PRKACB: variants seen among roughly 807,000 people sequenced by gnomAD.
PRKACB encodes the protein cAMP-dependent protein kinase catalytic subunit beta.
Under a neutral mutation model 51.4 loss-of-function variants are expected in PRKACB, and 16 were observed. That is an observed-to-expected ratio of 0.31 (90% CI 0.21 to 0.47). The LOEUF (loss-of-function observed/expected upper bound fraction) is 0.47. Ranked by LOEUF, PRKACB falls within the 20% of genes least tolerant of loss-of-function variation. PRKACB has a pLI of 1.00. For synonymous variants in PRKACB, 147 were observed against 154.4 expected (o/e 0.95, Z 0.35); for missense variants, 309 against 464.5 (o/e 0.67, Z 3.08).
At chr1:84,138,358 A>G (rs1423851553) in intron 1 of PRKACB, among the ~76,000 whole-genome samples, 1 of 152,200 alleles carries the variant, frequency 6.6e-6, no homozygotes, top group African/African-American at 2.4e-5. Context: ...TAAATGCTAC[A>G]GGCATTAAAA....
chr1:84,205,454 T>C (rs1375909501), intron 8 of PRKACB: 3 of 167,278 alleles, frequency 1.8e-5, no homozygotes, highest in African/African-American at 7.2e-5. Context: ...TGGATCCTTA[T>C]ATTTATATTT....
intron 7 of PRKACB, among the ~76,000 whole-genome samples, chr1:84,198,856 T>A (rs1668965939): frequency 6.7e-6 from 1 of 149,432 alleles, no homozygotes; most frequent in Non-Finnish European, 1.5e-5. Flanking sequence ...TGTGTATATG[T>A]GTATATATAT....
rs1374773341 is a variant in PRKACB, at chr1:84,236,436, G to A, written c.*1131G>A. 1 of 152,556 alleles carries A rather than the reference G, an allele frequency of 6.6e-6. No homozygotes were observed. Among genetic ancestry groups the A allele is most frequent in the Non-Finnish European group, 1.5e-5 (1 of 68,018 alleles). The allele number at this position is 152,556 out of a possible 1,614,324, so 9.5% of individuals were successfully genotyped here. On this transcript the variant is annotated 3_prime_UTR_variant, in exon 10 of 10. Transcript: ENST00000370685. ...TGGTGTACTATATTTGTGAGCCTAGGGTAGGGGCACTGCTGCAACTTCTGC... is the reference window on the plus strand; with the variant it reads ...TGGTGTACTATATTTGTGAGCCTAGAGTAGGGGCACTGCTGCAACTTCTGC...
chr1:84,125,292 A>C (rs1651474930), intron 1 of PRKACB, among the ~76,000 whole-genome samples: 1 of 152,154 alleles, frequency 6.6e-6, no homozygotes. Flanking sequence ...GTAATATCTC[A>C]GAGCCAGTAA....
chr1:84,196,706 T>C lies in PRKACB; in HGVS notation c.651T>C (p.Pro217=), dbSNP rs1175910761. Residue 217 remains proline (P), a synonymous_variant, in exon 6 of 10, where the codon CCT becomes CCC. Transcript: ENST00000370685. ...ACCTCATCTACAGAGATCTAAAACCTGAAAATCTCTTAATTGACCATCAAG... is the reference window on the plus strand; with the variant it reads ...ACCTCATCTACAGAGATCTAAAACCCGAAAATCTCTTAATTGACCATCAAG... ...SLDLIYRDLK[P]ENLLIDHQGY... is the part of the protein sequence containing the mutation. The C allele has an allele frequency of 3.1e-6, 5 of 1,612,944 alleles. No homozygotes were observed. In the African/African-American group the frequency reaches 5.3e-5, roughly 17 times the overall value.
intron 8 of PRKACB, among the ~76,000 whole-genome samples, chr1:84,209,726 T>C (rs1671857232): frequency 6.6e-6 from 1 of 152,214 alleles, no homozygotes. Context: ...ACTCGGTTGC[T>C]AAGTTTTAAT....
intron 9 of PRKACB, among the ~76,000 whole-genome samples, chr1:84,227,076 T>G (rs1202972046): frequency 6.6e-6 from 1 of 152,292 alleles, no homozygotes; most frequent in East Asian, 1.9e-4. Flanking sequence ...AAATTTTATT[T>G]AGGGTTTTTA....
At chr1:84,202,320 G>A (rs1350008304) in intron 7 of PRKACB, among the ~76,000 whole-genome samples, 2 of 151,926 alleles carry the variant, frequency 1.3e-5, no homozygotes, top group African/African-American at 4.8e-5. Flanking sequence ...ATAAGATTAT[G>A]GACCTAGAGT....
At chr1:84,162,774 TC>T (rs144539208) in intron 1 of PRKACB, among the ~76,000 whole-genome samples, 1,699 of 152,166 alleles carry the variant, frequency 0.011, 42 homozygotes, top group African/African-American at 0.039. Flanking sequence ...AAAGCCTTTG[TC>T]TGCTAAATTC....
chr1:84,170,796 G>A (rs749183417), intron 1 of PRKACB, among the ~76,000 whole-genome samples: 122 of 151,322 alleles, frequency 8.1e-4, no homozygotes, highest in Non-Finnish European at 1.4e-3. Flanking sequence ...TAAATATGAG[G>A]AAAAAATGTA....
At chr1:84,140,609 T>C (rs903427763), upstream of PRKACB, among the ~76,000 whole-genome samples, 2 of 152,242 alleles carry the variant, frequency 1.3e-5, no homozygotes, top group East Asian at 3.9e-4. Flanking sequence ...CCCAAGATGA[T>C]TGTAAGAAAC....
chr1:84,132,377 G>A (rs369205062), intron 1 of PRKACB, among the ~76,000 whole-genome samples: 1 of 152,080 alleles, frequency 6.6e-6, no homozygotes, highest in African/African-American at 2.4e-5. Flanking sequence ...GACATCTATA[G>A]CAAACATTAA....
At chr1:84,197,601 G>T (rs1668565077) in intron 6 of PRKACB, 128 bp from the exon 7 acceptor site, 5 of 583,996 alleles carry the variant, frequency 8.6e-6, no homozygotes, top group South Asian at 5.2e-5. Context: ...TTTCAATTAC[G>T]TGGACTTAAT....
chr1:84,131,153 T>C (rs1485045002), intron 1 of PRKACB, among the ~76,000 whole-genome samples: 1 of 152,040 alleles, frequency 6.6e-6, no homozygotes, highest in East Asian at 1.9e-4. Context: ...GGTCAGGAGT[T>C]TGAGAACAGC....
intron 1 of PRKACB, among the ~76,000 whole-genome samples, chr1:84,173,971 A>C (rs182631978): frequency 6.6e-6 from 1 of 151,772 alleles, no homozygotes; most frequent in Non-Finnish European, 1.5e-5. Flanking sequence ...TCTAATCCTC[A>C]TCATCCCTCA....
At chr1:84,091,592 C>T (rs1648473338) in intron 1 of PRKACB, among the ~76,000 whole-genome samples, 1 of 152,064 alleles carries the variant, frequency 6.6e-6, no homozygotes, top group South Asian at 2.1e-4. Context: ...CAACTGCTGC[C>T]TCCTGATCTC....
chr1:84,170,736 A>C (rs909571444), intron 1 of PRKACB, among the ~76,000 whole-genome samples: 23 of 151,726 alleles, frequency 1.5e-4, no homozygotes, highest in African/African-American at 5.3e-4. Flanking sequence ...GTCACTAGAC[A>C]TAGTAAAATT....
intron 7 of PRKACB, among the ~76,000 whole-genome samples, chr1:84,198,958 CAT>C (rs1237407601): frequency 7.0e-6 from 1 of 143,742 alleles, no homozygotes; most frequent in Non-Finnish European, 1.5e-5. Context: ...CATATATATT[CAT>C]ATATATGTGT....
chr1:84,214,743 C>T (rs1572487560), intron 9 of PRKACB, among the ~76,000 whole-genome samples: 2 of 152,142 alleles, frequency 1.3e-5, no homozygotes, highest in East Asian at 3.9e-4. Flanking sequence ...GATCTGCCCA[C>T]CTCGGCCTCC....
Sources: gnomAD v4.1 joint callset for allele counts (sites outside exome capture counted in the v4.1 genomes callset) on GRCh38, gnomAD v4.1.1 for gene constraint, MANE v1.5 for transcripts, NCBI Gene and HGNC (gene_info 2026-07-23, HGNC 2026-07-21) for gene names.